PCDH15: variants seen among roughly 807,000 people sequenced by gnomAD.
PCDH15 encodes the protein protocadherin-15.
Under a neutral mutation model 178.5 loss-of-function variants are expected in PCDH15, and 129 were observed. That is an observed-to-expected ratio of 0.72 (90% confidence interval 0.63 to 0.84). PCDH15 has a LOEUF of 0.84. Ranked by LOEUF, PCDH15 falls within the 40% of genes least tolerant of loss-of-function variation. The probability of loss-of-function intolerance (pLI) is 0.00; values close to 1 mark genes in which losing one functional copy is unlikely to be tolerated. For missense variants in PCDH15, 2,230 were observed against 2,099.9 expected, an observed-to-expected ratio of 1.06 and a Z score of -1.21; for synonymous variants, 800 against 732.0, an observed-to-expected ratio of 1.09 and a Z score of -1.50.
chr10:54,329,543 G>GT, intron 7 of PCDH15, 53 bp downstream of exon 7: 7 of 1,367,844 alleles, frequency 5.1e-6, no homozygotes, highest in Non-Finnish European at 7.3e-6. Context: ...TTTTGGATGA[G>GT]TTTTTTACTT....
rs537934848 is a variant in PCDH15, at chr10:54,911,635, G to C, written c.-79-14135C>G. On this transcript the variant is annotated intron_variant, in intron 2 of 5. Coordinates refer to the PCDH15 transcript ENST00000458638. Reference sequence around the variant, plus strand: ...TGAGTCCCTACCTAAATCTCATATTGAATTGTAATCCCCAGGTGTCAAGGG... The same window carrying C: ...TGAGTCCCTACCTAAATCTCATATTCAATTGTAATCCCCAGGTGTCAAGGG... Among the ~76,000 whole-genome samples, 4 of 152,222 alleles carry C rather than the reference G, an allele frequency of 2.6e-5. No homozygotes were observed. In the East Asian group the frequency reaches 7.7e-4, roughly 29 times the overall value.
chr10:54,453,048 C>G (rs1565314637), intron 3 of PCDH15, among the ~76,000 whole-genome samples: 1 of 152,088 alleles, frequency 6.6e-6, no homozygotes, highest in South Asian at 2.1e-4. Flanking sequence ...CACTTTTACA[C>G]TGTTGGTGCG....
At chr10:55,165,337 C>T (rs1344172846) in intron 2 of PCDH15, among the ~76,000 whole-genome samples, 2 of 151,820 alleles carry the variant, frequency 1.3e-5, no homozygotes, top group African/African-American at 2.4e-5. Flanking sequence ...AAGCCTAAGG[C>T]TCAGCCTCAA....
intron 13 of PCDH15, among the ~76,000 whole-genome samples, chr10:54,172,721 G>A (rs1262510507): frequency 6.6e-6 from 1 of 151,916 alleles, no homozygotes; most frequent in Non-Finnish European, 1.5e-5. Context: ...AGAACCATAA[G>A]TATGAGCGTG....
At chr10:54,209,362 G>C (rs2051158688) in intron 10 of PCDH15, among the ~76,000 whole-genome samples, 1 of 152,060 alleles carries the variant, frequency 6.6e-6, no homozygotes. Context: ...GCTTGTGTAA[G>C]ATCATGGGCC....
chr10:54,828,993 G>C (rs112800647), intron 3 of PCDH15, among the ~76,000 whole-genome samples: 2,891 of 152,042 alleles, frequency 0.019, 36 homozygotes, highest in Admixed American at 0.029. Flanking sequence ...AAAGACGTGA[G>C]AACATAGCAT....
intron 10 of PCDH15, among the ~76,000 whole-genome samples, chr10:54,213,085 C>T (rs1292791469): frequency 2.0e-5 from 3 of 151,770 alleles, no homozygotes; most frequent in East Asian, 4.0e-4. Flanking sequence ...AAAATACCAT[C>T]GGGATGCATT....
chr10:55,423,162 A>G (rs1282869103), intron 2 of PCDH15, among the ~76,000 whole-genome samples: 2 of 151,990 alleles, frequency 1.3e-5, no homozygotes, highest in East Asian at 1.9e-4. Flanking sequence ...TAAATTATTT[A>G]ATGATTAAAA....
chr10:54,538,632 G>A (rs1381854138), intron 2 of PCDH15, among the ~76,000 whole-genome samples: 1 of 152,122 alleles, frequency 6.6e-6, no homozygotes, highest in Non-Finnish European at 1.5e-5. Context: ...TTGGAGGAGG[G>A]GCTGGTGGGA....
intron 2 of PCDH15, among the ~76,000 whole-genome samples, chr10:55,564,996 A>G (rs1372004424): frequency 6.6e-6 from 1 of 151,656 alleles, no homozygotes; most frequent in African/African-American, 2.4e-5. Flanking sequence ...AACACAATAA[A>G]CCAACAAGAT....
At chr10:55,231,808 C>A (rs1308237145) in intron 1 of PCDH15, among the ~76,000 whole-genome samples, 5 of 151,842 alleles carry the variant, frequency 3.3e-5, no homozygotes, top group Non-Finnish European at 5.9e-5. Flanking sequence ...ATAAATAAAT[C>A]TTAAATTACA....
chr10:54,521,315 C>T (rs10825345), intron 3 of PCDH15, among the ~76,000 whole-genome samples: 13,258 of 152,136 alleles, frequency 0.087, 965 homozygotes, highest in East Asian at 0.35. Flanking sequence ...TCTAAATAAA[C>T]CCTTTTAAAG....
At chr10:55,133,793 AAACCACATCT>A (rs1457797705) in intron 2 of PCDH15, among the ~76,000 whole-genome samples, 2 of 152,098 alleles carry the variant, frequency 1.3e-5, no homozygotes, top group Non-Finnish European at 2.9e-5. Flanking sequence ...GTTTTTTCAG[AAACCACATCT>A]AACACATAAA....
chr10:55,379,738 G>C (rs1837487519), intron 2 of PCDH15, among the ~76,000 whole-genome samples: 1 of 151,948 alleles, frequency 6.6e-6, no homozygotes, highest in African/African-American at 2.4e-5. Flanking sequence ...TCTGATTTGG[G>C]CTCCTTGAGA....
chr10:55,593,369 GC>G (rs1256533717), intron 2 of PCDH15, among the ~76,000 whole-genome samples: 2 of 151,856 alleles, frequency 1.3e-5, no homozygotes, highest in Non-Finnish European at 2.9e-5. Flanking sequence ...GTTTATGTAT[GC>G]TATAGACACT....
At chr10:55,483,410 C>T (rs1357483920) in intron 2 of PCDH15, among the ~76,000 whole-genome samples, 1 of 151,534 alleles carries the variant, frequency 6.6e-6, no homozygotes, top group Admixed American at 6.6e-5. Flanking sequence ...CAAATGAAAG[C>T]CACAATGTGA....
intron 1 of PCDH15, among the ~76,000 whole-genome samples, chr10:54,726,434 GTGTGTGTGTGT>G (rs747474282): frequency 0.14 from 20,300 of 150,084 alleles, 1,460 homozygotes; most frequent in East Asian, 0.24. Flanking sequence ...GTGTGTGTGT[GTGTGTGTGTGT>G]GTGTGTGTGT....
chr10:55,314,136 A>G (rs1843661526), intron 1 of PCDH15, among the ~76,000 whole-genome samples: 1 of 149,880 alleles, frequency 6.7e-6, no homozygotes, highest in Non-Finnish European at 1.5e-5. Context: ...ACTTTGTTCT[A>G]TGTAGACATC....
At chr10:54,586,467 C>A (rs12416550) in intron 2 of PCDH15, among the ~76,000 whole-genome samples, 20,946 of 152,094 alleles carry the variant, frequency 0.14, 1,728 homozygotes, top group Non-Finnish European at 0.18. Flanking sequence ...AGTACTTGGT[C>A]GATATGTGTC....
Sources: gnomAD v4.1 joint callset for allele counts (sites outside exome capture counted in the v4.1 genomes callset) on GRCh38, gnomAD v4.1.1 for gene constraint, MANE v1.5 for transcripts, NCBI Gene and HGNC (gene_info 2026-07-23, HGNC 2026-07-21) for gene names.